MACROD2: variants seen among roughly 807,000 people sequenced by gnomAD.
MACROD2 encodes the protein ADP-ribose glycohydrolase MACROD2.
A neutral mutation model predicts 70.4 loss-of-function variants in MACROD2; 36 were observed. The observed-to-expected ratio is 0.51, with a 90% confidence interval of 0.39 to 0.68. The LOEUF is 0.68. Ranked by LOEUF, MACROD2 falls within the 30% of genes least tolerant of loss-of-function variation. MACROD2 has a pLI of 0.00. For synonymous variants in MACROD2, 172 were observed against 178.8 expected (o/e 0.96, Z 0.30); for missense variants, 496 against 538.4 (o/e 0.92, Z 0.78).
chr20:15,634,321 A>T (rs979089988), intron 8 of MACROD2, among the ~76,000 whole-genome samples: 16 of 152,188 alleles, frequency 1.1e-4, no homozygotes, highest in Admixed American at 1.3e-4. Context: ...TGTAAGAGTC[A>T]ATTTCCTGTT....
intron 5 of MACROD2, among the ~76,000 whole-genome samples, chr20:14,871,549 A>G (rs1458870617): frequency 6.6e-6 from 1 of 152,158 alleles, no homozygotes; most frequent in Non-Finnish European, 1.5e-5. Context: ...AAAGACTATT[A>G]TTAGCCATTA....
At chr20:15,396,130 G>T (rs1427843316) in intron 6 of MACROD2, among the ~76,000 whole-genome samples, 3 of 152,162 alleles carry the variant, frequency 2.0e-5, no homozygotes, top group African/African-American at 7.2e-5. Context: ...CCCGGCAGAG[G>T]ACTAGAGGAA....
At chr20:15,501,196 A>G (rs2047360180) in intron 8 of MACROD2, among the ~76,000 whole-genome samples, 1 of 152,222 alleles carries the variant, frequency 6.6e-6, no homozygotes, top group Admixed American at 6.5e-5. Flanking sequence ...TCTTCAATAT[A>G]TTGCTTGGTC....
intron 5 of MACROD2, among the ~76,000 whole-genome samples, chr20:15,140,757 T>G (rs2076185783): frequency 6.6e-6 from 1 of 152,124 alleles, no homozygotes; most frequent in African/African-American, 2.4e-5. Context: ...TGCGAAAGAA[T>G]CAGAGTGCTC....
At chr20:14,105,519 C>A (rs917782254) in intron 3 of MACROD2, among the ~76,000 whole-genome samples, 1 of 152,132 alleles carries the variant, frequency 6.6e-6, no homozygotes, top group Non-Finnish European at 1.5e-5. Context: ...AGTAGACCTC[C>A]CCACTGAGGG....
At chr20:14,342,031 G>A (rs532990241) in intron 3 of MACROD2, among the ~76,000 whole-genome samples, 2 of 152,160 alleles carry the variant, frequency 1.3e-5, no homozygotes, top group African/African-American at 4.8e-5. Context: ...AAAAGCCCCT[G>A]CACGGAGCCC....
intron 4 of MACROD2, among the ~76,000 whole-genome samples, chr20:14,646,683 A>C: frequency 6.6e-6 from 1 of 152,006 alleles, no homozygotes; most frequent in East Asian, 1.9e-4. Flanking sequence ...CACCCTTTGC[A>C]TCATTATGTT....
At chr20:14,252,839 T>G (rs2082023723) in intron 3 of MACROD2, among the ~76,000 whole-genome samples, 1 of 152,062 alleles carries the variant, frequency 6.6e-6, no homozygotes, top group Non-Finnish European at 1.5e-5. Flanking sequence ...TTTTATTTAG[T>G]TGTAGTATTA....
At chr20:14,023,345 A>C (rs2053114437) in intron 2 of MACROD2, among the ~76,000 whole-genome samples, 1 of 152,144 alleles carries the variant, frequency 6.6e-6, no homozygotes, top group Admixed American at 6.5e-5. Flanking sequence ...CCCATTCTGT[A>C]GGTTGTCTGT....
At chr20:15,137,702 A>G (rs2076160647) in intron 5 of MACROD2, among the ~76,000 whole-genome samples, 1 of 152,036 alleles carries the variant, frequency 6.6e-6, no homozygotes, top group East Asian at 1.9e-4. Context: ...TAAAACTTAA[A>G]GTATAATAAT....
chr20:15,187,230 C>T (rs1285372215), intron 5 of MACROD2, among the ~76,000 whole-genome samples: 1 of 152,160 alleles, frequency 6.6e-6, no homozygotes, highest in Non-Finnish European at 1.5e-5. Flanking sequence ...AATGACATTT[C>T]CCCTTTATGA....
At chr20:16,018,836 T>C (rs1486760296) in intron 15 of MACROD2, among the ~76,000 whole-genome samples, 1 of 152,304 alleles carries the variant, frequency 6.6e-6, no homozygotes, top group Non-Finnish European at 1.5e-5. Flanking sequence ...CCACCATATT[T>C]TCCTTTGTGG....
Position 15,500,405 on chromosome 20 carries a change from A to G in MACROD2, c.645+558A>G, listed in dbSNP as rs535752025. Among the ~76,000 whole-genome samples, 3 of 152,322 alleles carry G rather than the reference A, an allele frequency of 2.0e-5. No individual in the cohort carries two copies. In the South Asian group the frequency reaches 6.2e-4, roughly 32 times the overall value. ...ATCATCCTCCTATTCTGCTTACTTAATAAGATCTTTGTGATACGTTTAGTG... is the reference window on the plus strand; with the variant it reads ...ATCATCCTCCTATTCTGCTTACTTAGTAAGATCTTTGTGATACGTTTAGTG... On this transcript the variant is annotated intron_variant, in intron 8 of 17. Coordinates refer to ENST00000684519, the MANE Select transcript of MACROD2 (RefSeq NM_001351661.2).
intron 5 of MACROD2, among the ~76,000 whole-genome samples, chr20:15,216,875 T>C (rs2076815188): frequency 6.6e-6 from 1 of 152,246 alleles, no homozygotes; most frequent in Non-Finnish European, 1.5e-5. Flanking sequence ...TCCTTAGCAC[T>C]TGTCACTGTT....
intron 8 of MACROD2, among the ~76,000 whole-genome samples, chr20:15,783,535 T>C (rs1403546213): frequency 1.3e-5 from 2 of 152,154 alleles, no homozygotes; most frequent in Non-Finnish European, 2.9e-5. Context: ...TTTAGTCACC[T>C]ATATTGATTA....
chr20:15,157,359 ACCTCCCCCC>A (rs2076315144), intron 5 of MACROD2, among the ~76,000 whole-genome samples: 1 of 115,306 alleles, frequency 8.7e-6, no homozygotes, highest in African/African-American at 3.3e-5. Flanking sequence ...ACCCCCCCCC[ACCTCCCCCC>A]CCCCCGGCCA....
intron 4 of MACROD2, among the ~76,000 whole-genome samples, chr20:14,601,361 A>G (rs1982484456): frequency 6.6e-6 from 1 of 152,128 alleles, no homozygotes. Flanking sequence ...TGAAAATCTA[A>G]TGCCACCGGG....
intron 12 of MACROD2, among the ~76,000 whole-genome samples, chr20:15,963,614 C>T (rs777171997): frequency 8.6e-5 from 13 of 151,808 alleles, no homozygotes; most frequent in Admixed American, 4.6e-4. Flanking sequence ...AGCTCAGTAG[C>T]TAATTCCTCA....
intron 5 of MACROD2, among the ~76,000 whole-genome samples, chr20:14,848,506 A>G (rs559028386): frequency 1.3e-5 from 2 of 151,960 alleles, no homozygotes; most frequent in Non-Finnish European, 2.9e-5. Context: ...GGAGATAGTA[A>G]TTTTTAACAT....
Sources: allele counts gnomAD v4.1 joint callset (sites outside exome capture counted in the v4.1 genomes callset), GRCh38; gene constraint gnomAD v4.1.1; transcripts MANE v1.5; gene names NCBI Gene and HGNC (gene_info 2026-07-23, HGNC 2026-07-21).